Variants in NALF1 observed in about 807,000 individuals in gnomAD.
NALF1 encodes family with sequence similarity 155 member A.
NALF1 carries 3 observed loss-of-function variants against 48.4 expected under a neutral mutation model. The observed-to-expected ratio is 0.06, with a 90% CI of 0.03 to 0.16. NALF1 has a LOEUF of 0.16. NALF1 is among the 10% of genes least tolerant of loss of function. The pLI, the probability that NALF1 is intolerant of heterozygous loss-of-function variation, is 1.00. For missense variants in NALF1, 526 were observed against 571.5 expected (o/e 0.92, Z 0.81); for synonymous variants, 262 against 245.7 (o/e 1.07, Z -0.62).
At chr13:107,332,414 T>C (rs541616597) in intron 1 of NALF1, among the ~76,000 whole-genome samples, 2 of 152,288 alleles carry the variant, frequency 1.3e-5, no homozygotes, top group East Asian at 3.9e-4. Flanking sequence ...CTAGAGGGTG[T>C]CCTTTTCACT....
At chr13:107,511,915 AC>A (rs1341496318) in intron 1 of NALF1, among the ~76,000 whole-genome samples, 2 of 152,214 alleles carry the variant, frequency 1.3e-5, no homozygotes, top group Non-Finnish European at 2.9e-5. Context: ...GAAAGCAGTT[AC>A]CCCAAGCACA....
intron 1 of NALF1, among the ~76,000 whole-genome samples, chr13:107,460,500 C>CTTT (rs1884900498): frequency 6.6e-6 from 1 of 152,178 alleles, no homozygotes; most frequent in African/African-American, 2.4e-5. Context: ...GCCTTTTGTT[C>CTTT]TATAAAAGAT....
chr13:107,250,734 C>T (rs543801741), intron 1 of NALF1, among the ~76,000 whole-genome samples: 3 of 151,896 alleles, frequency 2.0e-5, no homozygotes, highest in Non-Finnish European at 2.9e-5. Flanking sequence ...TGTCTCTGCC[C>T]AAACTCATGT....
intron 1 of NALF1, among the ~76,000 whole-genome samples, chr13:107,305,333 G>C (rs1213939664): frequency 1.3e-5 from 2 of 152,304 alleles, no homozygotes; most frequent in Non-Finnish European, 2.9e-5. Flanking sequence ...TCAGAGTAAA[G>C]GTTGTTTTGG....
At chr13:107,821,718 A>G (rs1229543843) in intron 1 of NALF1, among the ~76,000 whole-genome samples, 4 of 152,234 alleles carry the variant, frequency 2.6e-5, no homozygotes, top group Non-Finnish European at 4.4e-5. Context: ...CAGAAAGAGT[A>G]CATAATAGGG....
chr13:107,818,031 G>A (rs1879222468), intron 1 of NALF1, among the ~76,000 whole-genome samples: 2 of 152,178 alleles, frequency 1.3e-5, no homozygotes, highest in Non-Finnish European at 2.9e-5. Context: ...TGAAATAAAA[G>A]GTATATCCCT....
In NALF1 at chr13:107,438,113, A is replaced by G. The variant is rs186628784; in HGVS notation, c.916-227358T>C. On this transcript the variant is annotated intron_variant, in intron 1 of 2. Transcript: ENST00000375915. The stretch of plus-strand genomic sequence containing the variant: ...ATCTGAATATGTTTTAAAAATTATA[A>G]ACCTTGAAATGTACACCTTATATTG... Among the ~76,000 whole-genome samples the G allele has an allele frequency of 2.7e-4, 41 of 152,318 alleles. 1 individual carries two copies. The highest frequency in any genetic ancestry group is 5.2e-4 in the Admixed American group (8 of 15,292).
chr13:107,448,070 C>T (rs1057053662), intron 1 of NALF1, among the ~76,000 whole-genome samples: 4 of 152,070 alleles, frequency 2.6e-5, no homozygotes, highest in African/African-American at 9.7e-5. Flanking sequence ...AAATCTGCTC[C>T]CTTCCTCTCT....
intron 1 of NALF1, among the ~76,000 whole-genome samples, chr13:107,636,635 G>A (rs1239616858): frequency 2.0e-5 from 3 of 151,918 alleles, no homozygotes; most frequent in East Asian, 3.9e-4. Context: ...GTACAATTTT[G>A]TATGGTAAAG....
intron 1 of NALF1, among the ~76,000 whole-genome samples, chr13:107,426,999 A>T (rs1287491000): frequency 6.6e-6 from 1 of 151,994 alleles, no homozygotes; most frequent in Non-Finnish European, 1.5e-5. Flanking sequence ...TACATAGAAC[A>T]TTATATAACA....
At chr13:107,727,517 G>A (rs1192289675) in intron 1 of NALF1, among the ~76,000 whole-genome samples, 1 of 152,066 alleles carries the variant, frequency 6.6e-6, no homozygotes, top group Non-Finnish European at 1.5e-5. Context: ...TCCAGCAGTG[G>A]GACTCTGCTA....
intron 1 of NALF1, among the ~76,000 whole-genome samples, chr13:107,586,402 T>C (rs1239764891): frequency 6.6e-6 from 1 of 152,144 alleles, no homozygotes; most frequent in Non-Finnish European, 1.5e-5. Flanking sequence ...AGTTTGCATG[T>C]GACGGCCCTG....
chr13:107,614,766 T>C (rs941505370), intron 1 of NALF1, among the ~76,000 whole-genome samples: 1 of 147,854 alleles, frequency 6.8e-6, no homozygotes, highest in African/African-American at 2.5e-5. Context: ...CTTTTTTTCT[T>C]TTTTTTTTTT....
At chr13:107,527,173 T>G (rs990045787) in intron 1 of NALF1, among the ~76,000 whole-genome samples, 1 of 152,162 alleles carries the variant, frequency 6.6e-6, no homozygotes, top group Non-Finnish European at 1.5e-5. Context: ...TGCTAGTTTT[T>G]ACTTGGGGAA....
intron 1 of NALF1, among the ~76,000 whole-genome samples, chr13:107,529,860 C>A (rs1171696552): frequency 6.6e-6 from 1 of 151,990 alleles, no homozygotes; most frequent in African/African-American, 2.4e-5. Flanking sequence ...ATGCAGTTGG[C>A]TAGTTACAAT....
At chr13:107,502,603 A>AT (rs1333750099) in intron 1 of NALF1, among the ~76,000 whole-genome samples, 3 of 152,146 alleles carry the variant, frequency 2.0e-5, no homozygotes, top group Admixed American at 2.0e-4. Flanking sequence ...CTTTGGATGC[A>AT]TCCCTACCTT....
chr13:107,179,636 T>G (rs1372350463), intron 2 of NALF1, among the ~76,000 whole-genome samples: 2 of 150,728 alleles, frequency 1.3e-5, no homozygotes, highest in Non-Finnish European at 2.9e-5. Flanking sequence ...TTATACCTAT[T>G]ATGTACCCAC....
intron 1 of NALF1, among the ~76,000 whole-genome samples, chr13:107,839,158 A>C (rs1439171813): frequency 6.6e-6 from 1 of 152,002 alleles, no homozygotes; most frequent in Admixed American, 6.6e-5. Context: ...GCTGACATTT[A>C]GTTGGCCTAC....
chr13:107,752,876 C>T (rs963493357), intron 1 of NALF1, among the ~76,000 whole-genome samples: 6 of 152,106 alleles, frequency 3.9e-5, no homozygotes, highest in East Asian at 1.9e-4. Flanking sequence ...TATAATTATA[C>T]GTATAAAAAA....
Sources: gnomAD v4.1 joint callset for allele counts (sites outside exome capture counted in the v4.1 genomes callset) on GRCh38, gnomAD v4.1.1 for gene constraint, MANE v1.5 for transcripts, NCBI Gene and HGNC (gene_info 2026-07-23, HGNC 2026-07-21) for gene names.